Variants in MME observed in about 807,000 individuals in gnomAD.
The protein encoded by MME is neprilysin.
In MME, 98 loss-of-function variants were observed where a neutral mutation model predicts 113.2. That is an observed-to-expected ratio of 0.87 (90% CI 0.74 to 1.02). MME has a LOEUF of 1.02. Among genes scored for constraint, MME ranks in the 50% least tolerant of loss-of-function variants. The probability of loss-of-function intolerance (pLI) is 0.00; values close to 1 mark genes in which losing one functional copy is unlikely to be tolerated. For synonymous variants in MME, 292 were observed against 300.6 expected (o/e 0.97, Z 0.30); for missense variants, 836 against 896.0 (o/e 0.93, Z 0.86).
At chr3:155,083,158 G>A (rs542119644) in intron 1 of MME, among the ~76,000 whole-genome samples, 2 of 152,228 alleles carry the variant, frequency 1.3e-5, no homozygotes, top group East Asian at 1.9e-4. Context: ...TCTACAGTAC[G>A]CTTTTACTGC....
chr3:155,167,066 T>A (rs912781128), intron 18 of MME, 45 bp downstream of exon 18: 1 of 1,606,670 alleles, frequency 6.2e-7, no homozygotes, highest in African/African-American at 1.3e-5. Flanking sequence ...TATATGCTCA[T>A]AAATTTGATT....
intron 3 of MME, among the ~76,000 whole-genome samples, chr3:155,093,765 A>C (rs906588280): frequency 2.0e-5 from 3 of 151,848 alleles, no homozygotes; most frequent in Admixed American, 2.0e-4. Flanking sequence ...CTGAGGCACA[A>C]GAATTGCTTG....
At chr3:155,144,309 T>C (rs753029450) in intron 13 of MME, 50 bp from the exon 14 acceptor site, 1 of 1,234,340 alleles carries the variant, frequency 8.1e-7, no homozygotes, top group Non-Finnish European at 1.2e-6. Flanking sequence ...AAAATCTGTG[T>C]TACAAAGAAT....
chr3:155,157,795 C>T (rs181121913), intron 16 of MME, among the ~76,000 whole-genome samples: 3 of 152,138 alleles, frequency 2.0e-5, no homozygotes, highest in Non-Finnish European at 4.4e-5. Context: ...ATACTACACA[C>T]TAGTGCTGTG....
chr3:155,098,922 G>A (rs892208998), intron 3 of MME, among the ~76,000 whole-genome samples: 2 of 152,080 alleles, frequency 1.3e-5, no homozygotes, highest in African/African-American at 4.8e-5. Context: ...CAAAGTGCCA[G>A]AGTCTTAAAC....
In MME at chr3:155,180,429, G is replaced by GA. The variant is rs1559971012; in HGVS notation, c.2225dup (p.Asn742LysfsTer21). 7 of 1,613,506 alleles carry GA rather than the reference G, an allele frequency of 4.3e-6. No individual in the cohort carries two copies. The highest frequency in any genetic ancestry group is 1.3e-5 in the African/African-American group (1 of 74,982). ...TTCACTGCCGCAAGAATTCATACAT[G>GA]AATCCAGAAAAGAAGTGCCGGGTTT... On this transcript the variant is annotated frameshift_variant, in exon 23 of 23. Coordinates refer to ENST00000360490, the MANE Select transcript of MME (RefSeq NM_007289.4). LOFTEE classifies it high-confidence loss of function.
intron 1 of MME, among the ~76,000 whole-genome samples, chr3:155,066,538 T>G (rs889265933): frequency 1.3e-5 from 2 of 152,182 alleles, no homozygotes; most frequent in Non-Finnish European, 2.9e-5. Context: ...TTAAATAATT[T>G]TTCCCCAAAT....
chr3:155,070,284 G>T (rs912443918), intron 1 of MME, among the ~76,000 whole-genome samples: 47 of 152,226 alleles, frequency 3.1e-4, no homozygotes, highest in Non-Finnish European at 6.8e-4. Context: ...TACTTGAAAA[G>T]ATTTCTTACA....
chr3:155,115,144 T>G lies in MME; in HGVS notation c.347T>G (p.Val116Gly), dbSNP rs2108251574. 6.8e-6 allele frequency: 11 copies of G among 1,614,022 alleles called. No homozygotes were observed. The highest frequency in any genetic ancestry group is 9.3e-6 in the Non-Finnish European group (11 of 1,179,966). Residue 116 changes from valine (V) to glycine (G), a missense_variant, in exon 4 of 23, where the codon GTC (valine) becomes GGC (glycine). Transcript: ENST00000360490. ...GACATTTTAAGAGATGAACTAGAAG[T>G]CGTTTTGAAAGGTTAGTAGAGATTG... ...NFDILRDELE[V>G]VLKDVLQEPK...
In MME at chr3:155,147,200, C is replaced by T. The variant is rs762180188; in HGVS notation, c.1473C>T (p.Asn491=). Residue 491 remains asparagine (N), a synonymous_variant, in exon 15 of 23, where the codon AAC becomes AAT. Transcript: ENST00000360490. The part of the protein sequence containing the change: ...GYPDDIVSND[N]KLNNEYLELN... ...CTGATGACATTGTTTCAAATGATAA[C>T]AAACTGAATAATGAGTACCTCGAGG... 8 of 1,605,160 alleles carry T rather than the reference C, an allele frequency of 5.0e-6. No homozygotes were observed. Among genetic ancestry groups the T allele is most frequent in the African/African-American group, 1.3e-5 (1 of 74,674 alleles).
upstream of MME, chr3:155,079,500 C>G (rs1188687522): frequency 6.6e-6 from 1 of 152,286 alleles, no homozygotes; most frequent in Non-Finnish European, 1.5e-5. Flanking sequence ...TTCATTGCCA[C>G]CGCCCGCCCC....
In MME at chr3:155,148,792, G is replaced by A. The variant is rs552783279; in HGVS notation, c.1601+139G>A. The A allele has an allele frequency of 1.3e-4, 88 of 683,240 alleles. 1 individual carries two copies. In the South Asian group the frequency reaches 1.5e-3, roughly 12 times the overall value. 42.3% of individuals were successfully genotyped at this position (683,240 alleles called of 1,614,324 possible). ...CTCTTTTTATTGAGAACTTCTAAAAGCATCTAATTATGGTATACTAAAGAT... is the reference window on the plus strand; with the variant it reads ...CTCTTTTTATTGAGAACTTCTAAAAACATCTAATTATGGTATACTAAAGAT... On this transcript the variant is annotated intron_variant, in intron 16 of 22. Coordinates refer to ENST00000360490, the MANE Select transcript of MME (RefSeq NM_007289.4).
intron 1 of MME, among the ~76,000 whole-genome samples, chr3:155,074,415 T>A (rs191862174): frequency 6.6e-6 from 1 of 152,140 alleles, no homozygotes; most frequent in East Asian, 1.9e-4. Context: ...TTTATGTGTG[T>A]GTGTGTGTTT....
chr3:155,078,222 GA>G (rs894046126), upstream of MME, among the ~76,000 whole-genome samples: 10 of 151,344 alleles, frequency 6.6e-5, 1 homozygote, highest in African/African-American at 2.2e-4. Context: ...GACTCTGTAG[GA>G]AAAAAAAATT....
At chr3:155,087,788 G>C (rs1178238016) in intron 3 of MME, among the ~76,000 whole-genome samples, 1 of 152,108 alleles carries the variant, frequency 6.6e-6, no homozygotes, top group East Asian at 1.9e-4. Context: ...TAAACGACAA[G>C]TGATTTTGCC....
upstream of MME, among the ~76,000 whole-genome samples, chr3:155,078,080 G>A (rs1304228749): frequency 7.0e-6 from 1 of 143,392 alleles, no homozygotes; most frequent in African/African-American, 2.7e-5. Flanking sequence ...ACACACACAC[G>A]CAAGCAAAAT....
At chr3:155,179,553 G>A (rs1307829430) in intron 22 of MME, among the ~76,000 whole-genome samples, 1 of 152,162 alleles carries the variant, frequency 6.6e-6, no homozygotes, top group Admixed American at 6.5e-5. Flanking sequence ...CAGTCCACTT[G>A]TCTCTGGGCC....
At chr3:155,080,558 C>T (rs1715042710) in intron 1 of MME, 92 bp downstream of exon 1, 1 of 152,038 alleles carries the variant, frequency 6.6e-6, no homozygotes, top group African/African-American at 2.4e-5. Context: ...TTTTCATTAT[C>T]CCACCTCTTC....
chr3:155,178,827 A>T (rs1001859019), intron 22 of MME, among the ~76,000 whole-genome samples: 1 of 152,202 alleles, frequency 6.6e-6, no homozygotes, highest in African/African-American at 2.4e-5. Flanking sequence ...TTAGGGATTA[A>T]TGATAAGAAA....
Sources: allele counts gnomAD v4.1 joint callset (sites outside exome capture counted in the v4.1 genomes callset), GRCh38; gene constraint gnomAD v4.1.1; transcripts MANE v1.5; gene names NCBI Gene and HGNC (gene_info 2026-07-23, HGNC 2026-07-21).